The following PNPLA7 variants were observed in gnomAD, a reference collection of about 807,000 sequenced individuals.
PNPLA7 encodes patatin like domain 7, lysophospholipase, also known as patatin-like phospholipase domain-containing protein 7.
Under a neutral mutation model 161.7 loss-of-function variants are expected in PNPLA7, and 153 were observed. The observed-to-expected ratio is 0.95, with a 90% CI of 0.83 to 1.08. The LOEUF (loss-of-function observed/expected upper bound fraction) is 1.08. Among genes scored for constraint, PNPLA7 ranks in the 50% least tolerant of loss-of-function variants. The probability of loss-of-function intolerance (pLI) is 0.00; values close to 1 mark genes in which losing one functional copy is unlikely to be tolerated. For synonymous variants in PNPLA7, 809 were observed against 782.1 expected (o/e 1.03, Z -0.57); for missense variants, 1,739 against 1,856.6 (o/e 0.94, Z 1.16).
At chr9:137,506,754 G>A (rs756014469) in intron 12 of PNPLA7, among the ~76,000 whole-genome samples, 1 of 152,218 alleles carries the variant, frequency 6.6e-6, no homozygotes, top group Non-Finnish European at 1.5e-5. Flanking sequence ...CACACACAGC[G>A]TATCTGACCT....
At position 137,467,319 on chromosome 9, in the gene PNPLA7, C is replaced by T. The variant is rs140172154; in HGVS notation, c.3037G>A (p.Glu1013Lys). The T allele has an allele frequency of 2.8e-5, 45 of 1,612,242 alleles. No individual in the cohort carries two copies. The African/African-American group carries it at 4.5e-4, about 16-fold the overall frequency. The change falls in exon 26 of 35, where the codon GAG becomes AAG. Residue 1013 changes from glutamate (E) to lysine (K), a missense_variant and splice_region_variant. Glu to Lys is a moderately conservative substitution (Grantham distance 56, BLOSUM62 1). Coordinates refer to ENST00000406427, the MANE Select transcript of PNPLA7 (RefSeq NM_001098537.3). This position sits in a 1 kb window ranked among gnomAD's most constrained non-coding sequence, Gnocchi z 5.1. Reference protein sequence around the residue: ...QMRIRAKQWAEGMTSLMKAAL... With the variant: ...QMRIRAKQWAKGMTSLMKAAL... ...GAGGGTGATGGGTGCCTGCTTACCT[C>T]GGCCCACTGCTTGGCCCGGATCCGC...
intron 19 of PNPLA7, 26 bp from the exon 20 acceptor site, chr9:137,493,108 G>A: frequency 6.2e-7 from 1 of 1,612,364 alleles, no homozygotes; most frequent in Non-Finnish European, 8.5e-7. Context: ...GGAGCCAAGA[G>A]CCACACGTTT....
rs768264539 is a variant in PNPLA7 at position 137,521,638 on chromosome 9, C to T, written c.955G>A (p.Ala319Thr). The T allele has an allele frequency of 3.2e-5, 52 of 1,612,196 alleles. No homozygotes were observed. The East Asian group carries it at 3.6e-4, about 11-fold the overall frequency. The change falls in exon 10 of 35, where the codon GCT (alanine) becomes ACT (threonine). Residue 319 changes from alanine (A) to threonine (T), a missense_variant and splice_region_variant. Physicochemically the swap from Ala to Thr is moderately conservative, Grantham distance 58. Transcript: ENST00000406427. ...YLGLTTELFN[A>T]ESQAIPLVSV... Reference sequence around the variant, plus strand: ...TTTGTGAGGTGGTTTTCACTTACAGCGTTGAAGAGCTCTGTGGTCAGGCCG... The same window carrying T: ...TTTGTGAGGTGGTTTTCACTTACAGTGTTGAAGAGCTCTGTGGTCAGGCCG...
At position 137,480,298 on chromosome 9, in the gene PNPLA7, C is replaced by T. The variant is rs1178003188; in HGVS notation, c.2580+14G>A. On this transcript the variant is annotated intron_variant, in intron 23 of 34. Coordinates refer to ENST00000406427, the MANE Select transcript of PNPLA7 (RefSeq NM_001098537.3). The stretch of plus-strand genomic sequence containing the variant: ...AGGGCTCTCCCCAGCTCCACCGGCC[C>T]TCCCCGTGCTCACCTCGCCCACTGT... 3.1e-6 allele frequency: 5 copies of T among 1,609,484 alleles called. No homozygotes were observed. The African/African-American group carries it at 6.7e-5, about 22-fold the overall frequency.
At chr9:137,549,565 G>A (rs553476255) in intron 1 of PNPLA7, among the ~76,000 whole-genome samples, 3 of 105,426 alleles carry the variant, frequency 2.8e-5, no homozygotes, top group South Asian at 3.0e-4. Context: ...GCAAGACTCC[G>A]TCTCAAAAAA....
rs1564280405 is a variant in PNPLA7, at chr9:137,464,433, GGC to G, written c.3061_3062del (p.Ala1021ArgfsTer76). 1.2e-6 allele frequency: 2 copies of G among 1,613,950 alleles called. No homozygotes were observed. The highest frequency in any genetic ancestry group is 3.3e-5 in the Admixed American group (2 of 60,022). On this transcript the variant is annotated frameshift_variant, in exon 27 of 35. Transcript: ENST00000406427. LOFTEE classifies it high-confidence loss of function. Reference protein sequence around the residue: ...WAEGMTSLMKAALDLTYPITS... With the variant: ...WAEGMTSLMKXALDLTYPITS... Reference sequence around the variant, plus strand: ...TGATGGGGTAGGTGAGGTCCAGCGCGGCCTTCATCAAGGACGTCATGCCCTGG... The same window carrying G: ...TGATGGGGTAGGTGAGGTCCAGCGCGCTTCATCAAGGACGTCATGCCCTGG...
chr9:137,529,983 G>A (rs1835502739), intron 8 of PNPLA7, among the ~76,000 whole-genome samples: 1 of 144,076 alleles, frequency 6.9e-6, no homozygotes, highest in African/African-American at 2.6e-5. Flanking sequence ...TTTTTTTCCT[G>A]AGATACAGTC....
chr9:137,483,410 G>A (rs1832321315), intron 21 of PNPLA7, among the ~76,000 whole-genome samples: 1 of 152,206 alleles, frequency 6.6e-6, no homozygotes, highest in Non-Finnish European at 1.5e-5. Context: ...ATCAGACAAG[G>A]CAATCCATGC....
At chr9:137,492,140 C>G (rs1401414306) in intron 20 of PNPLA7, 4 of 985,282 alleles carry the variant, frequency 4.1e-6, no homozygotes, top group Non-Finnish European at 4.8e-6. Context: ...TGAGAGCTAA[C>G]AGTGGCTCCA....
rs1166461372 is a variant in PNPLA7, at chr9:137,540,466, G to A, written c.747+176C>T. On this transcript the variant is annotated intron_variant, in intron 8 of 34. Transcript: ENST00000406427. This position sits in a 1 kb window ranked among gnomAD's most constrained non-coding sequence, Gnocchi z 5.1. ...CCCGGCTATTCTTCAACGCACTGTGGCCAGAATGAAGCTCCCTCCTCTTTC... is the reference window on the plus strand; with the variant it reads ...CCCGGCTATTCTTCAACGCACTGTGACCAGAATGAAGCTCCCTCCTCTTTC... Among the ~76,000 whole-genome samples the A allele has an allele frequency of 6.6e-6, 1 of 152,232 alleles. No individual in the cohort carries two copies. The highest frequency in any genetic ancestry group is 1.5e-5 in the Non-Finnish European group (1 of 68,040).
chr9:137,521,185 C>T (rs1366147237), intron 10 of PNPLA7, among the ~76,000 whole-genome samples: 1 of 152,170 alleles, frequency 6.6e-6, no homozygotes, highest in Non-Finnish European at 1.5e-5. Context: ...GCTCAGTGTG[C>T]AGCCTGCAGG....
At position 137,490,144 on chromosome 9, in the gene PNPLA7, A is replaced by G. The variant is rs1832694320; in HGVS notation, c.2197+2869T>C. 6.6e-6 allele frequency among the ~76,000 whole-genome samples: 1 copy of G among 152,208 alleles called. No homozygotes were observed. The highest frequency in any genetic ancestry group is 1.5e-5 in the Non-Finnish European group (1 of 68,042). ...GGTCTTGCTCTGTTGACCAGGCTGGACTGCGGTGGCGCGATCATAGCTCAC... is the reference window on the plus strand; with the variant it reads ...GGTCTTGCTCTGTTGACCAGGCTGGGCTGCGGTGGCGCGATCATAGCTCAC... On this transcript the variant is annotated intron_variant, in intron 20 of 34. Coordinates refer to ENST00000406427, the MANE Select transcript of PNPLA7 (RefSeq NM_001098537.3). This position sits in a 1 kb window ranked among gnomAD's most constrained non-coding sequence, Gnocchi z 4.1.
At position 137,544,529 on chromosome 9, in the gene PNPLA7, C is replaced by T. The variant is rs77351318; in HGVS notation, c.274-714G>A. On this transcript the variant is annotated intron_variant, in intron 4 of 34. Coordinates refer to ENST00000406427, the MANE Select transcript of PNPLA7 (RefSeq NM_001098537.3). ...CTAAGCCTGTCCCAGACCCAGCCTACAGCAGCCCTAACTCATCTGCCCTTT... is the reference window on the plus strand; with the variant it reads ...CTAAGCCTGTCCCAGACCCAGCCTATAGCAGCCCTAACTCATCTGCCCTTT... 2.9e-3 allele frequency among the ~76,000 whole-genome samples: 435 copies of T among 152,362 alleles called. 15 individuals carry two copies. The East Asian group carries it at 0.062, about 22-fold the overall frequency.
At chr9:137,479,297 G>T in intron 23 of PNPLA7, 59 bp from the exon 24 acceptor site, 2 of 1,443,928 alleles carry the variant, frequency 1.4e-6, no homozygotes, top group Non-Finnish European at 9.1e-7. Flanking sequence ...GGGACAGGAC[G>T]GAGCTGAAGG....
Position 137,543,920 on chromosome 9 carries a change from GTC to G in PNPLA7, c.274-107_274-106del. 1.1e-6 allele frequency: 1 copy of G among 924,236 alleles called. No homozygotes were observed. Among genetic ancestry groups the G allele is most frequent in the Non-Finnish European group, 1.7e-6 (1 of 577,814 alleles). 57.3% of individuals were successfully genotyped at this position (924,236 alleles called of 1,614,324 possible). A position where few individuals can be genotyped will look rare whatever the true frequency, so the allele number is the denominator to read the frequency against. On this transcript the variant is annotated intron_variant, in intron 4 of 34. Coordinates refer to ENST00000406427, the MANE Select transcript of PNPLA7 (RefSeq NM_001098537.3). The surrounding 1 kb of genome is among the most constrained non-coding windows in gnomAD (Gnocchi z 6.9). ...AGGACCTGCCTGTGGGCCTCCCACA[GTC>G]CCAGCTTCAGCTCCTGGGGTCTGGC... is the stretch of plus-strand genomic sequence containing the variant.
At chr9:137,493,260 T>A (rs1468505360) in intron 19 of PNPLA7, among the ~76,000 whole-genome samples, 178 bp from the exon 20 acceptor site, 1 of 152,274 alleles carries the variant, frequency 6.6e-6, no homozygotes, top group Non-Finnish European at 1.5e-5. Flanking sequence ...CATGGCTGTT[T>A]AGGCCTTGCA....
intron 24 of PNPLA7, chr9:137,478,676 G>T (rs1169107676): frequency 5.2e-6 from 1 of 191,966 alleles, no homozygotes; most frequent in Non-Finnish European, 1.1e-5. Context: ...TCAGCTGGAT[G>T]TGGGGGCCTC....
chr9:137,469,260 A>G lies in PNPLA7; in HGVS notation c.2883-1787T>C, dbSNP rs192447738. On this transcript the variant is annotated intron_variant, in intron 25 of 34. Coordinates refer to ENST00000406427, the MANE Select transcript of PNPLA7 (RefSeq NM_001098537.3). ...ACAGTCACTGAATCATGAAGCATCAAGAGGACAGAATATGTAACAATATTG... is the reference window on the plus strand; with the variant it reads ...ACAGTCACTGAATCATGAAGCATCAGGAGGACAGAATATGTAACAATATTG... Among the ~76,000 whole-genome samples, 268 of 152,358 alleles carry G rather than the reference A, an allele frequency of 1.8e-3. 8 individuals are homozygous for G. The highest frequency in any genetic ancestry group is 0.017 in the Admixed American group (257 of 15,304).
At position 137,508,480 on chromosome 9, in the gene PNPLA7, T is replaced by C. The variant is rs146329747; in HGVS notation, c.1226-2397A>G. On this transcript the variant is annotated intron_variant, in intron 12 of 34. Coordinates refer to ENST00000406427, the MANE Select transcript of PNPLA7 (RefSeq NM_001098537.3). Reference sequence around the variant, plus strand: ...CTACTCGGCGGCTGAGGCAGGAGAATTGCTTGAACCCCAGAGATGGAGCTT... The same window carrying C: ...CTACTCGGCGGCTGAGGCAGGAGAACTGCTTGAACCCCAGAGATGGAGCTT... Among the ~76,000 whole-genome samples the C allele has an allele frequency of 3.2e-4, 49 of 151,980 alleles. No individual in the cohort carries two copies. In the East Asian group the frequency reaches 8.9e-3, roughly 28 times the overall value.
Sources: allele counts gnomAD v4.1 joint callset (sites outside exome capture counted in the v4.1 genomes callset), GRCh38; gene constraint gnomAD v4.1.1; non-coding constraint Gnocchi (gnomAD v3.1); transcripts MANE v1.5; gene names NCBI Gene and HGNC (gene_info 2026-07-23, HGNC 2026-07-21).